Variants in FRY observed in about 807,000 individuals in gnomAD.
FRY encodes FRY microtubule binding protein, also known as protein furry homolog.
FRY carries 128 observed loss-of-function variants against 348.4 expected under a neutral mutation model. That is an observed-to-expected ratio of 0.37 (90% confidence interval 0.32 to 0.43). The LOEUF is 0.43. Among genes scored for constraint, FRY ranks in the 20% least tolerant of loss-of-function variants. The pLI, the probability that FRY is intolerant of heterozygous loss-of-function variation, is 1.00. For missense variants in FRY, 2,736 were observed against 3,695.2 expected (o/e 0.74, Z 6.73); for synonymous variants, 1,370 against 1,374.7 (o/e 1.00, Z 0.08).
chr13:32,051,546 A>G (rs1873330250), intron 1 of FRY, among the ~76,000 whole-genome samples: 1 of 152,218 alleles, frequency 6.6e-6, no homozygotes, highest in South Asian at 2.1e-4. Context: ...AGTATACTCT[A>G]TTTACAAGAT....
chr13:32,114,599 C>T (rs1036902885), intron 3 of FRY, among the ~76,000 whole-genome samples: 5 of 152,152 alleles, frequency 3.3e-5, no homozygotes, highest in African/African-American at 1.2e-4. Context: ...CAGATTTACA[C>T]AAGTATTTTT....
chr13:32,288,056 C>T (rs1025552826), intron 58 of FRY, among the ~76,000 whole-genome samples: 27 of 152,146 alleles, frequency 1.8e-4, no homozygotes, highest in East Asian at 1.9e-4. Context: ...GGGCTGCTTT[C>T]GCCCCAAAGT....
chr13:32,224,960 T>G lies in FRY; in HGVS notation c.4944T>G (p.Thr1648=). 6.2e-7 allele frequency: 1 copy of G among 1,609,600 alleles called. No individual in the cohort carries two copies. Among genetic ancestry groups the G allele is most frequent in the Non-Finnish European group, 8.5e-7 (1 of 1,175,778 alleles). Residue 1648 remains threonine (T), a synonymous_variant, in exon 38 of 61, where the codon ACT becomes ACG. Coordinates refer to ENST00000542859, the MANE Select transcript of FRY (RefSeq NM_023037.3). The part of the protein sequence containing the change: ...HRCNIAVIFM[T]EMVVDHSVRE... ...GCAATATTGCTGTAATTTTTATGAC[T>G]GAAATGGTGGTGGATCACAGTGTAC...
intron 53 of FRY, among the ~76,000 whole-genome samples, chr13:32,264,270 G>C (rs1887813180): frequency 6.6e-6 from 1 of 152,114 alleles, no homozygotes; most frequent in African/African-American, 2.4e-5. Context: ...AGCAAATATG[G>C]ATAAACCTCT....
rs1884057863 is a variant in FRY at position 32,201,994 on chromosome 13, C to T, written c.3800C>T (p.Ser1267Phe). Residue 1267 changes from serine (S) to phenylalanine (F), a missense_variant, in exon 30 of 61, where the codon TCT becomes TTT. Physicochemically the swap from Ser to Phe is radical, Grantham distance 155. Transcript: ENST00000542859. Reference protein sequence around the residue: ...TLLNLVLFKASDTNREIYEIS... With the variant: ...TLLNLVLFKAFDTNREIYEIS... ...TTAAACCTTGTTCTATTCAAGGCCT[C>T]TGACACCAACAGAGAGATTTATGAA... 6.2e-7 allele frequency: 1 copy of T among 1,608,254 alleles called. No homozygotes were observed.
At chr13:32,249,155 A>C (rs552232411) in intron 48 of FRY, among the ~76,000 whole-genome samples, 2 of 152,362 alleles carry the variant, frequency 1.3e-5, no homozygotes, top group African/African-American at 4.8e-5. Context: ...TTAATGATTA[A>C]AAGTTGGGAG....
intron 19 of FRY, among the ~76,000 whole-genome samples, chr13:32,175,165 G>A (rs577322702): frequency 6.6e-6 from 1 of 152,300 alleles, no homozygotes; most frequent in Non-Finnish European, 1.5e-5. Context: ...AAAATAAGTA[G>A]CATTTTAGTT....
chr13:32,113,647 A>G (rs1878114668), intron 3 of FRY, among the ~76,000 whole-genome samples: 1 of 152,238 alleles, frequency 6.6e-6, no homozygotes, highest in Non-Finnish European at 1.5e-5. Context: ...TGCAACAAGA[A>G]CATCTTTGTA....
intron 17 of FRY, among the ~76,000 whole-genome samples, chr13:32,168,675 A>T (rs1179805846): frequency 6.6e-6 from 1 of 152,204 alleles, no homozygotes; most frequent in Non-Finnish European, 1.5e-5. Flanking sequence ...GTCCCTGAAA[A>T]ATTAGCTTAG....
chr13:32,231,605 A>T (rs1416014030), intron 41 of FRY, among the ~76,000 whole-genome samples: 2 of 152,358 alleles, frequency 1.3e-5, no homozygotes, highest in East Asian at 3.9e-4. Context: ...ATGAGGAATA[A>T]ATCTCATTGA....
At chr13:32,182,861 T>A in intron 23 of FRY, 116 bp from the exon 24 acceptor site, 1 of 698,486 alleles carries the variant, frequency 1.4e-6, no homozygotes, top group Non-Finnish European at 2.6e-6. Flanking sequence ...GAGATTGTGA[T>A]GTCAGAAGCA....
Position 32,095,401 on chromosome 13 carries a change from G to A in FRY, c.271-6562G>A, listed in dbSNP as rs369892227. Among the ~76,000 whole-genome samples, 4 of 136,158 alleles carry A rather than the reference G, an allele frequency of 2.9e-5. No individual in the cohort carries two copies. In the South Asian group the frequency reaches 9.8e-4, roughly 33 times the overall value. The allele number at this position is 136,158 out of a possible 152,430, so 89.3% of individuals were successfully genotyped here. A position where few individuals can be genotyped will look rare whatever the true frequency, so the allele number is the denominator to read the frequency against. On this transcript the variant is annotated intron_variant, in intron 2 of 60. Coordinates refer to ENST00000542859, the MANE Select transcript of FRY (RefSeq NM_023037.3). ...CTCACTCTGTCACCCAGGCTGGAGT[G>A]CAGTGGCGCAGTCTTGGCTCACTGC...
intron 4 of FRY, among the ~76,000 whole-genome samples, chr13:32,118,224 A>G (rs749322111): frequency 9.9e-5 from 15 of 152,198 alleles, no homozygotes; most frequent in Non-Finnish European, 1.5e-4. Context: ...AGATTAATAC[A>G]CTTACCTTTT....
chr13:32,288,688 G>A (rs1889191009), intron 58 of FRY, among the ~76,000 whole-genome samples: 1 of 152,176 alleles, frequency 6.6e-6, no homozygotes, highest in African/African-American at 2.4e-5. Context: ...TACCCCATTT[G>A]AAAACTGAAC....
rs185523267 is a variant in FRY, at chr13:32,246,804, G to A, written c.6829-519G>A. ...TTACCAGGAGGGAGGGAAAGAAAGG[G>A]TTAAGAAGGGCTTCCAGATTCCTGA... On this transcript the variant is annotated intron_variant, in intron 47 of 60. Transcript: ENST00000542859. Among the ~76,000 whole-genome samples the A allele has an allele frequency of 2.1e-3, 324 of 152,276 alleles. 1 individual carries two copies. The highest frequency in any genetic ancestry group is 0.014 in the South Asian group (67 of 4,822).
At chr13:32,105,206 G>A (rs531315523) in intron 3 of FRY, among the ~76,000 whole-genome samples, 1 of 152,306 alleles carries the variant, frequency 6.6e-6, no homozygotes, top group East Asian at 1.9e-4. Flanking sequence ...TCCCATGAGG[G>A]CCCCTCCCTT....
chr13:32,208,992 C>T lies in FRY; in HGVS notation c.4158C>T (p.Asp1386=), dbSNP rs201941086. ...LPGSSPSSPE[D]EVKDREGDVT... is the part of the protein sequence containing the mutation. ...GGTCGAGCCCCAGCAGCCCAGAGGA[C>T]GAAGTCAAGGACCGGGAAGGTGACG... The change falls in exon 32 of 61, where the codon GAC becomes GAT. Residue 1386 remains aspartate (D), a synonymous_variant. Coordinates refer to ENST00000542859, the MANE Select transcript of FRY (RefSeq NM_023037.3). 5.3e-5 allele frequency: 85 copies of T among 1,614,004 alleles called. No homozygotes were observed. The highest frequency in any genetic ancestry group is 1.3e-4 in the African/African-American group (10 of 74,894).
chr13:32,135,070 G>A lies in FRY; in HGVS notation c.979-15G>A. 6.4e-7 allele frequency: 1 copy of A among 1,566,804 alleles called. No individual in the cohort carries two copies. Among genetic ancestry groups the A allele is most frequent in the Non-Finnish European group, 8.8e-7 (1 of 1,137,032 alleles). On this transcript the variant is annotated splice_polypyrimidine_tract_variant and intron_variant, in intron 9 of 60. Transcript: ENST00000542859. ...AATTTTATTAATATAATATTCACAT[G>A]CATCTCTATTTCAGGCTGTTAAAAA... is the stretch of plus-strand genomic sequence containing the variant.
chr13:32,191,774 T>C (rs1331925425), intron 28 of FRY, among the ~76,000 whole-genome samples: 2 of 152,178 alleles, frequency 1.3e-5, no homozygotes, highest in Non-Finnish European at 2.9e-5. Context: ...GTCTTTCTTA[T>C]GAGAGCACTA....
Sources: allele counts gnomAD v4.1 joint callset (sites outside exome capture counted in the v4.1 genomes callset), GRCh38; gene constraint gnomAD v4.1.1; transcripts MANE v1.5; gene names NCBI Gene and HGNC (gene_info 2026-07-23, HGNC 2026-07-21).